The following DCDC1 variants were observed in gnomAD, a reference collection of about 807,000 sequenced individuals.
DCDC1 encodes the protein doublecortin domain-containing protein 1.
Under a neutral mutation model 178.3 loss-of-function variants are expected in DCDC1, and 200 were observed. The ratio of observed to expected loss-of-function variants is 1.12; its 90% CI spans 1.00 to 1.26. The LOEUF is 1.26. Ranked by LOEUF, DCDC1 falls within the 50% of genes most tolerant of loss-of-function variation. The probability of loss-of-function intolerance (pLI) is 0.00; values close to 1 mark genes in which losing one functional copy is unlikely to be tolerated. For missense variants in DCDC1, 1,983 were observed against 1,749.2 expected, an observed-to-expected ratio of 1.13 and a Z score of -2.38; for synonymous variants, 690 against 604.8, an observed-to-expected ratio of 1.14 and a Z score of -2.07.
At chr11:30,973,836 T>C (rs1211322171) in intron 20 of DCDC1, among the ~76,000 whole-genome samples, 1 of 152,140 alleles carries the variant, frequency 6.6e-6, no homozygotes, top group Non-Finnish European at 1.5e-5. Flanking sequence ...GTCATGTAGA[T>C]AGAAAATTAA....
intron 1 of DCDC1, among the ~76,000 whole-genome samples, chr11:31,368,726 G>T (rs945393691): frequency 6.6e-6 from 1 of 152,122 alleles, no homozygotes. Context: ...ATTGGTAGAA[G>T]TTTAAAAAAG....
At chr11:31,050,514 T>C (rs1955172631) in intron 20 of DCDC1, among the ~76,000 whole-genome samples, 1 of 152,194 alleles carries the variant, frequency 6.6e-6, no homozygotes, top group African/African-American at 2.4e-5. Flanking sequence ...TGATGCTTCC[T>C]GGAAAGCACC....
At chr11:31,081,282 G>A (rs1565257947) in intron 17 of DCDC1, among the ~76,000 whole-genome samples, 2 of 152,184 alleles carry the variant, frequency 1.3e-5, no homozygotes, top group South Asian at 2.1e-4. Flanking sequence ...TTTGATAGAT[G>A]GCTAAAGAAG....
chr11:31,039,227 T>C (rs1213277028), intron 20 of DCDC1, among the ~76,000 whole-genome samples: 1 of 152,200 alleles, frequency 6.6e-6, no homozygotes, highest in Non-Finnish European at 1.5e-5. Context: ...TTAGAGGTTT[T>C]TGTTTTGTTT....
Position 31,003,743 on chromosome 11 carries a change from G to A in DCDC1, c.2592-51175C>T, listed in dbSNP as rs181791987. Among the ~76,000 whole-genome samples the A allele has an allele frequency of 1.1e-4, 17 of 152,290 alleles. No individual in the cohort carries two copies. In the East Asian group the frequency reaches 2.3e-3, roughly 21 times the overall value. Reference sequence around the variant, plus strand: ...GGAAAGACAAATAGGATGGATCATAGGACCATTATAGCCCAGGTTAAGCAG... The same window carrying A: ...GGAAAGACAAATAGGATGGATCATAAGACCATTATAGCCCAGGTTAAGCAG... On this transcript the variant is annotated intron_variant, in intron 20 of 38. Transcript: ENST00000684477.
chr11:31,073,556 G>C (rs1005775901), intron 18 of DCDC1, among the ~76,000 whole-genome samples: 7 of 152,178 alleles, frequency 4.6e-5, no homozygotes, highest in African/African-American at 9.7e-5. Flanking sequence ...GCTGGAGAGA[G>C]ATTTTGGTAT....
At chr11:31,235,804 A>G (rs1312889307) in intron 9 of DCDC1, among the ~76,000 whole-genome samples, 1 of 151,994 alleles carries the variant, frequency 6.6e-6, no homozygotes, top group Non-Finnish European at 1.5e-5. Context: ...ACCATTTGAA[A>G]CGTAAGTTGG....
chr11:31,341,747 C>T (rs1950558276), intron 1 of DCDC1, among the ~76,000 whole-genome samples: 1 of 151,764 alleles, frequency 6.6e-6, no homozygotes, highest in Non-Finnish European at 1.5e-5. Flanking sequence ...ATTATAATCT[C>T]ATGGGAGTAC....
intron 21 of DCDC1, among the ~76,000 whole-genome samples, chr11:30,945,122 C>T (rs576858035): frequency 3.6e-4 from 54 of 151,658 alleles, no homozygotes; most frequent in Middle Eastern, 6.8e-3. Context: ...GCATCTGCCA[C>T]CATGCCCGGC....
At chr11:31,088,056 T>C (rs1285360341) in intron 17 of DCDC1, among the ~76,000 whole-genome samples, 1 of 152,130 alleles carries the variant, frequency 6.6e-6, no homozygotes, top group Non-Finnish European at 1.5e-5. Flanking sequence ...CCCTTAATCA[T>C]CAAATGGCCC....
chr11:30,997,333 A>G lies in DCDC1; in HGVS notation c.2592-44765T>C, dbSNP rs138144673. 8.5e-5 allele frequency among the ~76,000 whole-genome samples: 13 copies of G among 152,342 alleles called. No individual in the cohort carries two copies. In the East Asian group the frequency reaches 2.3e-3, roughly 27 times the overall value. ...TGAAGAGTGGCTTTTACTGTCTGCA[A>G]AGTAAAACAAAACAAAACAAAATCA... On this transcript the variant is annotated intron_variant, in intron 20 of 38. Coordinates refer to ENST00000684477, the MANE Select transcript of DCDC1 (RefSeq NM_001387274.1).
chr11:31,259,834 C>A (rs1191723841), intron 8 of DCDC1, among the ~76,000 whole-genome samples: 1 of 152,192 alleles, frequency 6.6e-6, no homozygotes, highest in Non-Finnish European at 1.5e-5. Context: ...ATTTTCTCTT[C>A]TCTACCTTCC....
At chr11:31,095,627 T>C (rs912998180) in intron 15 of DCDC1, among the ~76,000 whole-genome samples, 2 of 152,078 alleles carry the variant, frequency 1.3e-5, no homozygotes, top group Admixed American at 6.6e-5. Flanking sequence ...ACTTTAGAGA[T>C]AGTTGTGGGG....
chr11:31,113,580 G>A (rs969389456), intron 11 of DCDC1, among the ~76,000 whole-genome samples: 1 of 151,904 alleles, frequency 6.6e-6, no homozygotes, highest in Non-Finnish European at 1.5e-5. Context: ...CAGAATGATG[G>A]TTTCCAGCTT....
At chr11:31,334,901 A>C (rs1203972132) in intron 2 of DCDC1, among the ~76,000 whole-genome samples, 1 of 152,146 alleles carries the variant, frequency 6.6e-6, no homozygotes, top group Non-Finnish European at 1.5e-5. Context: ...TCTGAGCTCA[A>C]ACACAGTGCT....
intron 17 of DCDC1, among the ~76,000 whole-genome samples, chr11:31,078,698 C>A (rs1249242500): frequency 1.3e-5 from 2 of 152,280 alleles, no homozygotes; most frequent in African/African-American, 4.8e-5. Flanking sequence ...CTTTAGCCTA[C>A]ATCCAGTTAT....
rs539839698 is a variant in DCDC1, at chr11:31,273,980, A to G, written c.961-8380T>C. 2.0e-5 allele frequency among the ~76,000 whole-genome samples: 3 copies of G among 152,282 alleles called. No homozygotes were observed. In the South Asian group the frequency reaches 6.2e-4, roughly 32 times the overall value. The stretch of plus-strand genomic sequence containing the variant: ...AACTATCATGAGAACAGCATGTGAA[A>G]GACCCATCCCCATGACTCAATTACC... On this transcript the variant is annotated intron_variant, in intron 7 of 38. Coordinates refer to ENST00000684477, the MANE Select transcript of DCDC1 (RefSeq NM_001387274.1).
At chr11:30,978,865 T>C (rs1950246156) in intron 20 of DCDC1, among the ~76,000 whole-genome samples, 1 of 150,698 alleles carries the variant, frequency 6.6e-6, no homozygotes, top group Non-Finnish European at 1.5e-5. Context: ...TTCTACTCCC[T>C]ACCTCCAGGA....
rs538665240 is a variant in DCDC1 at position 30,913,771 on chromosome 11, C to A, written c.3653+1740G>T. On this transcript the variant is annotated intron_variant, in intron 27 of 38. Coordinates refer to ENST00000684477, the MANE Select transcript of DCDC1 (RefSeq NM_001387274.1). ...GAGTTTTAGGCAGACAGACACTGAG[C>A]AAGATTCAGAACTAGTATTCTCTTC... Among the ~76,000 whole-genome samples the A allele has an allele frequency of 2.3e-3, 350 of 152,296 alleles. 2 individuals are homozygous for A. Among genetic ancestry groups the A allele is most frequent in the Middle Eastern group, 6.8e-3 (2 of 294 alleles).
Sources: allele counts gnomAD v4.1 joint callset (sites outside exome capture counted in the v4.1 genomes callset), GRCh38; gene constraint gnomAD v4.1.1; transcripts MANE v1.5; gene names NCBI Gene and HGNC (gene_info 2026-07-23, HGNC 2026-07-21).